Variants in CSAG1 observed in about 807,000 individuals in gnomAD.
CSAG1 encodes the protein chondrosarcoma associated gene 1, also known as chondrosarcoma-associated gene 1 protein.
In CSAG1, 4 loss-of-function variants were observed where a neutral mutation model predicts 4.8. That is an observed-to-expected ratio of 0.83 (90% confidence interval 0.41 to 1.90). The LOEUF is 1.90. CSAG1 is among the 40% of genes most tolerant of loss of function. The pLI is 0.03. For synonymous variants in CSAG1, 21 were observed against 23.1 expected (o/e 0.91, Z 0.26); for missense variants, 69 against 59.5 (o/e 1.16, Z -0.53).
At chrX:152,730,058 C>G (rs1301277261) in intron 2 of CSAG1, among the ~76,000 whole-genome samples, 1 of 92,894 alleles carries the variant, frequency 1.1e-5, no homozygotes, top group Non-Finnish European at 2.2e-5. Flanking sequence ...CCCAATGATA[C>G]TACTACTCCT....
Position 152,733,676 on chromosome X carries a change from C to G in CSAG1, c.-53G>C, listed in dbSNP as rs1932217821. The G allele has an allele frequency of 9.2e-6, 1 of 109,241 alleles. No individual in the cohort carries two copies. The highest frequency in any genetic ancestry group is 1.9e-5 in the Non-Finnish European group (1 of 52,395). 9.0% of individuals were successfully genotyped at this position (109,241 alleles called of 1,213,427 possible). On this transcript the variant is annotated 5_prime_UTR_variant, in exon 1 of 4. Transcript: ENST00000452779. ...ACCATCTTCATGCTTACCTCCACCTCCATCTGGATCCCCATCCAGGAAGAA... is the reference window on the plus strand; with the variant it reads ...ACCATCTTCATGCTTACCTCCACCTGCATCTGGATCCCCATCCAGGAAGAA...
chrX:152,727,934 G>C (rs1464133474), intron 3 of CSAG1, 71 bp from the exon 4 acceptor site: 25 of 1,193,402 alleles, frequency 2.1e-5, no homozygotes, highest in Non-Finnish European at 2.8e-5. Context: ...GGTGAGAACA[G>C]GGGTTTCATA....
In CSAG1 at chrX:152,727,911, A is replaced by G. The variant is rs1932052752; in HGVS notation, c.168-48T>C. ...ACAGGAGGGCACTGGTTTGGGGAAG[A>G]GGATGGAGGAGGGGTGAGAACAGGG... On this transcript the variant is annotated intron_variant, in intron 3 of 3. Transcript: ENST00000452779. 5 of 1,193,927 alleles carry G rather than the reference A, an allele frequency of 4.2e-6. No individual in the cohort carries two copies. In the South Asian group the frequency reaches 8.9e-5, roughly 21 times the overall value.
intron 1 of CSAG1, 69 bp from the exon 2 acceptor site, chrX:152,732,573 C>G: frequency 8.8e-7 from 1 of 1,142,072 alleles, no homozygotes; most frequent in African/African-American, 1.8e-5. Context: ...CACAACAAAA[C>G]AGGGCCAGTC....
In CSAG1 at chrX:152,727,529, C is replaced by T; in HGVS notation, c.*265G>A. On this transcript the variant is annotated 3_prime_UTR_variant, in exon 4 of 4. Transcript: ENST00000452779. The stretch of plus-strand genomic sequence containing the variant: ...TTTATTTCCATCACCATGGGGCATA[C>T]CCTTTGGGGTGTAAAACGTACTCTA... The T allele has an allele frequency of 2.3e-6, 1 of 427,383 alleles. No homozygotes were observed. Among genetic ancestry groups the T allele is most frequent in the Admixed American group, 4.1e-5 (1 of 24,228 alleles). 35.2% of individuals were successfully genotyped at this position (427,383 alleles called of 1,213,427 possible).
At chrX:152,729,397 C>T (rs1231883123) in intron 2 of CSAG1, among the ~76,000 whole-genome samples, 3 of 112,223 alleles carry the variant, frequency 2.7e-5, no homozygotes, top group African/African-American at 9.7e-5. Flanking sequence ...ACATCATGTG[C>T]TCTTCAAAAG....
intron 3 of CSAG1, 100 bp from the exon 4 acceptor site, chrX:152,727,963 G>C: frequency 3.3e-6 from 4 of 1,199,816 alleles, no homozygotes; most frequent in Non-Finnish European, 2.3e-6. Context: ...GTACAGGCTG[G>C]GGTGGGGGTT....
chrX:152,732,113 G>A (rs1450568780), intron 2 of CSAG1, among the ~76,000 whole-genome samples: 2 of 112,529 alleles, frequency 1.8e-5, no homozygotes, highest in Non-Finnish European at 3.8e-5. Context: ...GAAAAGGCAT[G>A]TGGAATATTC....
At chrX:152,732,640 C>G in intron 1 of CSAG1, 136 bp from the exon 2 acceptor site, 1 of 772,054 alleles carries the variant, frequency 1.3e-6, no homozygotes, top group East Asian at 3.4e-5. Flanking sequence ...CTTGCCGTGT[C>G]GGTTAGAGGG....
In CSAG1 at chrX:152,728,238, C is replaced by G. The variant is rs1556830842; in HGVS notation, c.17-14G>C. ...CAGGCCAGCAGGCTAGAAACTCACACGACATTATTATGTTAGTCTTGTGGT... is the reference window on the plus strand; with the variant it reads ...CAGGCCAGCAGGCTAGAAACTCACAGGACATTATTATGTTAGTCTTGTGGT... On this transcript the variant is annotated splice_polypyrimidine_tract_variant and intron_variant, in intron 2 of 3. Coordinates refer to ENST00000452779, the MANE Select transcript of CSAG1 (RefSeq NM_001102576.3). 3.3e-5 allele frequency: 40 copies of G among 1,196,650 alleles called. No homozygotes were observed. Among genetic ancestry groups the G allele is most frequent in the Non-Finnish European group, 4.2e-5 (37 of 881,878 alleles).
At chrX:152,730,230 T>G (rs1218575992) in intron 2 of CSAG1, among the ~76,000 whole-genome samples, 2 of 110,446 alleles carry the variant, frequency 1.8e-5, no homozygotes, top group East Asian at 5.7e-4. Flanking sequence ...GGCAAAATTA[T>G]AAAGATGAAA....
At chrX:152,728,614 G>A (rs1556831033) in intron 2 of CSAG1, among the ~76,000 whole-genome samples, 1 of 112,461 alleles carries the variant, frequency 8.9e-6, no homozygotes, top group African/African-American at 3.2e-5. Context: ...GTCAGCTCAG[G>A]CTAGAATAAC....
intron 1 of CSAG1, 132 bp from the exon 2 acceptor site, chrX:152,732,636 G>A (rs1932185197): frequency 9.8e-6 from 8 of 815,462 alleles, no homozygotes; most frequent in Non-Finnish European, 1.4e-5. Flanking sequence ...GACACTTGCC[G>A]TGTCGGTTAG....
chrX:152,727,965 G>A (rs1372243375), intron 3 of CSAG1, 102 bp from the exon 4 acceptor site: 1 of 1,197,454 alleles, frequency 8.4e-7, no homozygotes, highest in Non-Finnish European at 1.1e-6. Flanking sequence ...ACAGGCTGGG[G>A]TGGGGGTTGT....
chrX:152,732,139 C>A (rs1167179304), intron 2 of CSAG1, among the ~76,000 whole-genome samples: 1 of 112,468 alleles, frequency 8.9e-6, no homozygotes, highest in East Asian at 2.8e-4. Context: ...CATCGGCCTT[C>A]AGAATGAGGT....
intron 3 of CSAG1, 85 bp from the exon 4 acceptor site, chrX:152,727,948 A>C (rs1932054209): frequency 8.3e-7 from 1 of 1,198,584 alleles, no homozygotes; most frequent in Non-Finnish European, 1.1e-6. Context: ...TTTCATAGAG[A>C]AATGGTACAG....
rs147761919 is a variant in CSAG1 at position 152,729,842 on chromosome X, G to A, written c.17-1618C>T. Among the ~76,000 whole-genome samples the A allele has an allele frequency of 8.3e-3, 913 of 109,856 alleles. 12 individuals are homozygous for A. The highest frequency in any genetic ancestry group is 0.042 in the Middle Eastern group (9 of 213). ...TTAAAAAACGGAACATAGACTTAGC[G>A]TAAGATTCAGCAGCCATACTCAATC... On this transcript the variant is annotated intron_variant, in intron 2 of 3. Coordinates refer to ENST00000452779, the MANE Select transcript of CSAG1 (RefSeq NM_001102576.3).
At chrX:152,730,787 T>G (rs1932140191) in intron 2 of CSAG1, among the ~76,000 whole-genome samples, 1 of 112,001 alleles carries the variant, frequency 8.9e-6, no homozygotes, top group African/African-American at 3.2e-5. Flanking sequence ...AAAAGTAACT[T>G]AAGAGGTTGG....
At chrX:152,727,955 A>G (rs1277204556) in intron 3 of CSAG1, 92 bp from the exon 4 acceptor site, 102 of 1,195,171 alleles carry the variant, frequency 8.5e-5, no homozygotes, top group South Asian at 1.6e-4. Flanking sequence ...GAGAAATGGT[A>G]CAGGCTGGGG....
Sources: allele counts gnomAD v4.1 joint callset (sites outside exome capture counted in the v4.1 genomes callset), GRCh38; gene constraint gnomAD v4.1.1; transcripts MANE v1.5; gene names NCBI Gene and HGNC (gene_info 2026-07-23, HGNC 2026-07-21).